Variants in FANCA observed in about 807,000 individuals in gnomAD.
FANCA encodes the protein Fanconi anemia group A protein.
In FANCA, 236 loss-of-function variants were observed where a neutral mutation model predicts 194.3. That is an observed-to-expected ratio of 1.21 (90% confidence interval 1.09 to 1.35). The LOEUF is 1.35. Among genes scored for constraint, FANCA ranks in the 40% most tolerant of loss-of-function variants. The pLI, the probability that FANCA is intolerant of heterozygous loss-of-function variation, is 0.00. For missense variants in FANCA, 2,628 were observed against 1,813.9 expected, an observed-to-expected ratio of 1.45 and a Z score of -8.15; for synonymous variants, 1,014 against 715.8, an observed-to-expected ratio of 1.42 and a Z score of -6.65.
At chr16:89,745,301 G>C (rs939460631) in intron 35 of FANCA, among the ~76,000 whole-genome samples, 1 of 152,256 alleles carries the variant, frequency 6.6e-6, no homozygotes, top group East Asian at 1.9e-4. Flanking sequence ...AGAAGGAAGA[G>C]CCTGGCCTAA....
At chr16:89,784,388 A>T (rs1052775446) in intron 15 of FANCA, among the ~76,000 whole-genome samples, 3 of 149,364 alleles carry the variant, frequency 2.0e-5, no homozygotes, top group African/African-American at 7.5e-5. Context: ...AACCCAAAAA[A>T]ACAAAAAAAC....
At chr16:89,807,157 T>C (rs1266827975) in intron 6 of FANCA, among the ~76,000 whole-genome samples, 1 of 151,972 alleles carries the variant, frequency 6.6e-6, no homozygotes, top group Non-Finnish European at 1.5e-5. Context: ...TGAGATAAGA[T>C]GTGTATATCC....
rs1289505609 is a variant in FANCA at position 89,750,501 on chromosome 16, A to AAAAAAAAAAAAAC, written c.3067-600_3067-599insGTTTTTTTTTTTT. Among the ~76,000 whole-genome samples the AAAAAAAAAAAAAC allele has an allele frequency of 1.4e-3, 208 of 145,602 alleles. 4 individuals carry two copies. Among genetic ancestry groups the AAAAAAAAAAAAAC allele is most frequent in the East Asian group, 4.5e-3 (20 of 4,468 alleles). On this transcript the variant is annotated intron_variant, in intron 31 of 42. Coordinates refer to ENST00000389301, the MANE Select transcript of FANCA (RefSeq NM_000135.4). ...CCGTCTCAAAAAAAAACAAACAAAA[A>AAAAAAAAAAAAAC]AAAACAGCCAGGTATGGTGGCTCAC...
At position 89,758,584 on chromosome 16, in the gene FANCA, G is replaced by A. The variant is rs967438026; in HGVS notation, c.2974C>T (p.His992Tyr). 21 of 1,613,542 alleles carry A rather than the reference G, an allele frequency of 1.3e-5. No individual in the cohort carries two copies. The highest frequency in any genetic ancestry group is 1.8e-5 in the Non-Finnish European group (21 of 1,179,680). ...TILVNALMDF[H>Y]QSSRSYDHSE... ...ACAGTGTGTGCTGCTAACCTTTGGT[G>A]GAAATCCATCAGTGCGTTGACAAGA... is the stretch of plus-strand genomic sequence containing the variant. Residue 992 changes from histidine (H) to tyrosine (Y), a missense_variant, in exon 30 of 43, where the codon CAC (histidine) becomes TAC (tyrosine). Physicochemically the swap from His to Tyr is moderately conservative, Grantham distance 83 (BLOSUM62 2). Coordinates refer to ENST00000389301, the MANE Select transcript of FANCA (RefSeq NM_000135.4).
At chr16:89,807,696 A>G (rs2040711588) in intron 6 of FANCA, among the ~76,000 whole-genome samples, 1 of 151,490 alleles carries the variant, frequency 6.6e-6, no homozygotes, top group African/African-American at 2.4e-5. Context: ...CATCCTGGCT[A>G]ACATGGTGAA....
At chr16:89,754,154 G>A (rs148129992) in intron 30 of FANCA, among the ~76,000 whole-genome samples, 5 of 152,058 alleles carry the variant, frequency 3.3e-5, no homozygotes, top group South Asian at 2.1e-4. Flanking sequence ...CCTGAGAGGC[G>A]AAGGTTTCGG....
At chr16:89,761,176 T>C (rs2038938057) in intron 29 of FANCA, among the ~76,000 whole-genome samples, 1 of 152,096 alleles carries the variant, frequency 6.6e-6, no homozygotes, top group South Asian at 2.1e-4. Flanking sequence ...TGCCAGCACT[T>C]TGGGAGGCCA....
In FANCA at chr16:89,769,906, A is replaced by C. The variant is rs749326662; in HGVS notation, c.2435T>G (p.Leu812Arg). 5.0e-6 allele frequency: 8 copies of C among 1,613,980 alleles called. No homozygotes were observed. The highest frequency in any genetic ancestry group is 6.8e-6 in the Non-Finnish European group (8 of 1,180,004). ...DVGPPAPGAG[L>R]PVPALFDSLL... ...GCTGTCAAAGAGCGCAGGGACAGGA[A>C]GGCCAGCACCAGGTGCAGGAGGACC... Residue 812 changes from leucine (L) to arginine (R), a missense_variant, in exon 26 of 43, where the codon CTT becomes CGT. Transcript: ENST00000389301.
chr16:89,807,128 G>A (rs1461904526), intron 6 of FANCA, among the ~76,000 whole-genome samples: 2 of 151,364 alleles, frequency 1.3e-5, no homozygotes, highest in South Asian at 2.1e-4. Context: ...GGCCATTTTT[G>A]CTTCATAGAT....
At chr16:89,741,494 G>T (rs2062132752) in intron 37 of FANCA, among the ~76,000 whole-genome samples, 1 of 152,196 alleles carries the variant, frequency 6.6e-6, no homozygotes, top group Non-Finnish European at 1.5e-5. Context: ...GGCACAGAGG[G>T]CTGCTGCCTC....
intron 9 of FANCA, 143 bp from the exon 10 acceptor site, chr16:89,799,375 G>C: frequency 9.7e-7 from 1 of 1,030,168 alleles, no homozygotes. Flanking sequence ...CAATCTGTAG[G>C]CCTTAATCAA....
intron 37 of FANCA, among the ~76,000 whole-genome samples, chr16:89,741,315 A>T (rs1277441545): frequency 6.6e-6 from 1 of 152,240 alleles, no homozygotes; most frequent in Non-Finnish European, 1.5e-5. Flanking sequence ...CCCTGGAGCC[A>T]CTAAAATCCC....
chr16:89,792,202 G>A, intron 12 of FANCA, 134 bp from the exon 13 acceptor site: 1 of 1,086,460 alleles, frequency 9.2e-7, no homozygotes, highest in Non-Finnish European at 1.4e-6. Context: ...ATGGAGCTGT[G>A]ACAGCTCACA....
At position 89,738,347 on chromosome 16, in the gene FANCA, T is replaced by C. The variant is rs1598047128; in HGVS notation, c.*254A>G. ...CCCGCATGGGAGGGTCGGAGGGTGC[T>C]GCCCGCCCTTGGTGCTGGAGGCGGG... is the stretch of plus-strand genomic sequence containing the variant. On this transcript the variant is annotated 3_prime_UTR_variant, in exon 43 of 43. Transcript: ENST00000389301. 6.8e-7 allele frequency: 1 copy of C among 1,478,440 alleles called. No individual in the cohort carries two copies. Among genetic ancestry groups the C allele is most frequent in the East Asian group, 2.5e-5 (1 of 40,464 alleles). 91.6% of individuals were successfully genotyped at this position (1,478,440 alleles called of 1,614,324 possible).
intron 30 of FANCA, among the ~76,000 whole-genome samples, chr16:89,753,316 T>C (rs2038660978): frequency 1.3e-5 from 2 of 152,152 alleles, no homozygotes; most frequent in South Asian, 4.1e-4. Context: ...TCGGGGCCAC[T>C]ACCGGTCTCC....
At position 89,759,958 on chromosome 16, in the gene FANCA, C is replaced by T. The variant is rs565908933; in HGVS notation, c.2853-1253G>A. 5.3e-5 allele frequency among the ~76,000 whole-genome samples: 8 copies of T among 151,596 alleles called. No homozygotes were observed. In the East Asian group the frequency reaches 7.8e-4, roughly 15 times the overall value. ...ACCTGGGTGCTCCACCCACGCTGTG[C>T]GGGACCGGGGTGCTCCACCCACGCT... On this transcript the variant is annotated intron_variant, in intron 29 of 42. Transcript: ENST00000389301.
At position 89,808,235 on chromosome 16, in the gene FANCA, T is replaced by A; in HGVS notation, c.596+59A>T. 3 of 1,526,504 alleles carry A rather than the reference T, an allele frequency of 2.0e-6. No homozygotes were observed. In the Admixed American group the frequency reaches 5.0e-5, roughly 26 times the overall value. 94.6% of individuals were successfully genotyped at this position (1,526,504 alleles called of 1,614,324 possible). A position where few individuals can be genotyped will look rare whatever the true frequency, so the allele number is the denominator to read the frequency against. ...CCGTCTGATTCTGGGCTTTGAAATA[T>A]AATTTATACTAGACTAGACTGCAAA... On this transcript the variant is annotated intron_variant, in intron 6 of 42. Coordinates refer to ENST00000389301, the MANE Select transcript of FANCA (RefSeq NM_000135.4).
chr16:89,757,501 T>A (rs1437031915), intron 30 of FANCA, among the ~76,000 whole-genome samples: 1 of 152,172 alleles, frequency 6.6e-6, no homozygotes, highest in African/African-American at 2.4e-5. Flanking sequence ...AAGGGCCACA[T>A]ACTACATGAT....
At chr16:89,794,581 C>T (rs2040181062) in intron 11 of FANCA, among the ~76,000 whole-genome samples, 1 of 151,890 alleles carries the variant, frequency 6.6e-6, no homozygotes, top group Admixed American at 6.6e-5. Context: ...GGGAATAAAC[C>T]AATCATGGTG....
Sources: allele counts gnomAD v4.1 joint callset (sites outside exome capture counted in the v4.1 genomes callset), GRCh38; gene constraint gnomAD v4.1.1; transcripts MANE v1.5; gene names NCBI Gene and HGNC (gene_info 2026-07-23, HGNC 2026-07-21).